Variants in C17orf67 observed in about 807,000 individuals in gnomAD.
The protein encoded by C17orf67 is chromosome 17 open reading frame 67.
A neutral mutation model predicts 11.2 loss-of-function variants in C17orf67; 12 were observed. The observed-to-expected ratio is 1.07, with a 90% CI of 0.68 to 1.73. The LOEUF (loss-of-function observed/expected upper bound fraction) is 1.73. C17orf67 is among the 40% of genes most tolerant of loss of function. C17orf67 has a pLI of 0.00. For synonymous variants in C17orf67, 59 were observed against 46.9 expected, an observed-to-expected ratio of 1.26 and a Z score of -1.05; for missense variants, 115 against 113.5, an observed-to-expected ratio of 1.01 and a Z score of -0.06.
chr17:56,830,117 G>A (rs1453606258), intron 2 of C17orf67, among the ~76,000 whole-genome samples: 1 of 152,084 alleles, frequency 6.6e-6, no homozygotes, highest in Non-Finnish European at 1.5e-5. Context: ...GCTGAGGCAG[G>A]CGGATCATGA....
At chr17:56,827,185 T>C (rs1371111141) in intron 2 of C17orf67, among the ~76,000 whole-genome samples, 3 of 152,248 alleles carry the variant, frequency 2.0e-5, no homozygotes, top group Non-Finnish European at 4.4e-5. Flanking sequence ...GGTGAGAAAG[T>C]GCGGAGGCTG....
chr17:56,801,376 C>T (rs377729133), intron 6 of C17orf67, among the ~76,000 whole-genome samples: 15 of 152,286 alleles, frequency 9.8e-5, no homozygotes, highest in East Asian at 7.7e-4. Context: ...AAGGCTTTAA[C>T]AAAGGGTCGG....
intron 2 of C17orf67, among the ~76,000 whole-genome samples, chr17:56,830,300 G>A (rs1193702761): frequency 2.0e-5 from 3 of 150,760 alleles, no homozygotes; most frequent in Non-Finnish European, 4.4e-5. Flanking sequence ...AGCCAAGATC[G>A]CACCACTGCA....
At chr17:56,803,038 A>G (rs1394109082) in intron 6 of C17orf67, among the ~76,000 whole-genome samples, 1 of 152,236 alleles carries the variant, frequency 6.6e-6, no homozygotes, top group Non-Finnish European at 1.5e-5. Flanking sequence ...TTACAGTACG[A>G]AAATAAAAAT....
intron 4 of C17orf67, among the ~76,000 whole-genome samples, chr17:56,818,483 C>A (rs902289626): frequency 2.0e-5 from 3 of 152,104 alleles, no homozygotes; most frequent in African/African-American, 7.2e-5. Flanking sequence ...AATGATTATG[C>A]CACTACACTC....
rs538078846 is a variant in C17orf67, at chr17:56,818,879, C to T, written c.-200-2869G>A. 3.3e-5 allele frequency among the ~76,000 whole-genome samples: 5 copies of T among 152,184 alleles called. No individual in the cohort carries two copies. The South Asian group carries it at 8.3e-4, about 25-fold the overall frequency. ...TAGACAACATGGATCTAGATCCTTC[C>T]GTCTCTAATGCCACCACCCAAGTCT... On this transcript the variant is annotated intron_variant, in intron 4 of 7. Coordinates refer to ENST00000397861, the MANE Select transcript of C17orf67 (RefSeq NM_001085430.4).
chr17:56,819,947 G>T (rs1905858427), intron 4 of C17orf67, among the ~76,000 whole-genome samples: 1 of 152,348 alleles, frequency 6.6e-6, no homozygotes, highest in East Asian at 1.9e-4. Context: ...CGATTCCAGA[G>T]AATCTACTGG....
In C17orf67 at chr17:56,815,856, T is replaced by C. The variant is rs780756078; in HGVS notation, c.-46A>G. The C allele has an allele frequency of 6.2e-7, 1 of 1,612,406 alleles. No homozygotes were observed. Among genetic ancestry groups the C allele is most frequent in the Admixed American group, 1.7e-5 (1 of 60,000 alleles). On this transcript the variant is annotated 5_prime_UTR_variant, in exon 5 of 8. Transcript: ENST00000397861. ...TCTTGCTGAGTGAATCCTCCCAGAC[T>C]GAGTCAGCCAACTTGAAGGAAGCCA...
chr17:56,817,117 A>G (rs1012668966), intron 4 of C17orf67, among the ~76,000 whole-genome samples: 24 of 152,156 alleles, frequency 1.6e-4, no homozygotes, highest in African/African-American at 5.5e-4. Context: ...CAGCCTCCCA[A>G]AGTGCTGGGA....
intron 6 of C17orf67, among the ~76,000 whole-genome samples, chr17:56,807,128 A>C (rs1259233874): frequency 6.6e-6 from 1 of 152,212 alleles, no homozygotes; most frequent in African/African-American, 2.4e-5. Flanking sequence ...CTTTAAAGCC[A>C]CATGGAGGGC....
At chr17:56,812,879 G>A (rs1905664549) in intron 6 of C17orf67, among the ~76,000 whole-genome samples, 2 of 152,154 alleles carry the variant, frequency 1.3e-5, no homozygotes, top group South Asian at 4.1e-4. Context: ...GGGTTTTAGG[G>A]CCAGAGTCTA....
intron 4 of C17orf67, among the ~76,000 whole-genome samples, chr17:56,819,578 A>G (rs943344115): frequency 6.6e-6 from 1 of 152,140 alleles, no homozygotes; most frequent in African/African-American, 2.4e-5. Flanking sequence ...GGCTGCTGCA[A>G]GTCTCGGGTG....
intron 2 of C17orf67, among the ~76,000 whole-genome samples, chr17:56,825,794 A>AT (rs1335736275): frequency 6.6e-6 from 1 of 152,238 alleles, no homozygotes; most frequent in Non-Finnish European, 1.5e-5. Context: ...AAAAGTATGC[A>AT]TTAAAAAAAA....
chr17:56,818,450 G>A (rs1272899210), intron 4 of C17orf67, among the ~76,000 whole-genome samples: 2 of 152,048 alleles, frequency 1.3e-5, no homozygotes, highest in East Asian at 1.9e-4. Flanking sequence ...ACTTGAGCCC[G>A]GGAGTTCAAG....
chr17:56,799,041 C>T (rs1905263711), intron 6 of C17orf67, among the ~76,000 whole-genome samples: 1 of 152,156 alleles, frequency 6.6e-6, no homozygotes, highest in Admixed American at 6.5e-5. Context: ...TGAAAACTCC[C>T]TCATTACCGC....
At chr17:56,809,407 C>T (rs1201284294) in intron 6 of C17orf67, among the ~76,000 whole-genome samples, 10 of 151,920 alleles carry the variant, frequency 6.6e-5, no homozygotes, top group Admixed American at 3.9e-4. Flanking sequence ...AACCCAGGTC[C>T]GCAAGTCAAG....
chr17:56,800,357 G>A (rs1018790626), intron 6 of C17orf67, among the ~76,000 whole-genome samples: 3 of 152,100 alleles, frequency 2.0e-5, no homozygotes, highest in African/African-American at 2.4e-5. Context: ...GAGCCACTGC[G>A]CCCGGCAGCA....
intron 4 of C17orf67, among the ~76,000 whole-genome samples, chr17:56,822,252 C>A (rs1305139348): frequency 6.6e-6 from 1 of 152,212 alleles, no homozygotes; most frequent in East Asian, 1.9e-4. Flanking sequence ...GTGTCCAAAT[C>A]TGGGTGCTAT....
At chr17:56,830,526 G>A (rs968185673) in intron 2 of C17orf67, among the ~76,000 whole-genome samples, 2 of 152,114 alleles carry the variant, frequency 1.3e-5, no homozygotes, top group African/African-American at 4.8e-5. Context: ...AGTGATGTAG[G>A]GAGAGATTTC....
Sources: gnomAD v4.1 joint callset for allele counts (sites outside exome capture counted in the v4.1 genomes callset) on GRCh38, gnomAD v4.1.1 for gene constraint, MANE v1.5 for transcripts, NCBI Gene and HGNC (gene_info 2026-07-23, HGNC 2026-07-21) for gene names.